The following C6orf163 variants were observed in gnomAD, a reference collection of about 807,000 sequenced individuals.
The protein encoded by C6orf163 is chromosome 6 open reading frame 163.
C6orf163 carries 22 observed loss-of-function variants against 28.4 expected under a neutral mutation model. That is an observed-to-expected ratio of 0.78 (90% CI 0.55 to 1.11). C6orf163 has a LOEUF of 1.11. Among genes scored for constraint, C6orf163 ranks in the 50% least tolerant of loss-of-function variants. The pLI is 0.00. For synonymous variants in C6orf163, 110 were observed against 123.6 expected, an observed-to-expected ratio of 0.89 and a Z score of 0.73; for missense variants, 342 against 389.1, an observed-to-expected ratio of 0.88 and a Z score of 1.02.
chr6:87,363,453 G>A (rs1582112357), intron 4 of C6orf163, among the ~76,000 whole-genome samples: 3 of 151,068 alleles, frequency 2.0e-5, no homozygotes, highest in Admixed American at 1.3e-4. Flanking sequence ...CCATTAACTC[G>A]TCATTTAGCA....
chr6:87,347,349 G>A (rs1464605378), intron 1 of C6orf163: 2 of 970,086 alleles, frequency 2.1e-6, no homozygotes, highest in African/African-American at 3.5e-5. Context: ...GGATCCTGTT[G>A]TACAATCAGG....
chr6:87,347,548 C>T (rs753116412), intron 1 of C6orf163: 36 of 985,280 alleles, frequency 3.7e-5, no homozygotes, highest in Middle Eastern at 5.2e-4. Context: ...CCATCTCCAC[C>T]GTAATATATG....
Position 87,365,013 on chromosome 6 carries a change from A to C in C6orf163, c.607A>C (p.Lys203Gln), listed in dbSNP as rs1056890584. 1 of 1,551,550 alleles carries C rather than the reference A, an allele frequency of 6.4e-7. No individual in the cohort carries two copies. The highest frequency in any genetic ancestry group is 8.7e-7 in the Non-Finnish European group (1 of 1,146,930). Residue 203 changes from lysine (K) to glutamine (Q), a missense_variant, in exon 5 of 5, where the codon AAG becomes CAG. By Grantham distance (53) the Lys-to-Gln change is moderately conservative. Transcript: ENST00000388923. ...NTGVTVIKDE[K>Q]TSVARLMREK... ...TGGTGTCACAGTTATTAAGGATGAG[A>C]AGACCAGTGTGGCCCGACTGATGAG...
chr6:87,354,733 G>C (rs1242411747), intron 3 of C6orf163, among the ~76,000 whole-genome samples: 1 of 152,174 alleles, frequency 6.6e-6, no homozygotes, highest in Non-Finnish European at 1.5e-5. Context: ...TTTCACCCTT[G>C]AAGTAGCCAA....
At chr6:87,353,519 C>T (rs1337007518) in intron 3 of C6orf163, among the ~76,000 whole-genome samples, 1 of 151,502 alleles carries the variant, frequency 6.6e-6, no homozygotes, top group Non-Finnish European at 1.5e-5. Flanking sequence ...ACCCTATTGA[C>T]ACTGGCTTTT....
At position 87,365,036 on chromosome 6, in the gene C6orf163, G is replaced by A. The variant is rs1777625968; in HGVS notation, c.630G>A (p.Met210Ile). The A allele has an allele frequency of 6.4e-7, 1 of 1,551,730 alleles. No homozygotes were observed. The highest frequency in any genetic ancestry group is 2.0e-5 in the Admixed American group (1 of 50,990). ...KDEKTSVARL[M>I]REKEHEMSIL... ...AGAAGACCAGTGTGGCCCGACTGAT[G>A]AGGGAAAAAGAACATGAAATGAGCA... Residue 210 changes from methionine (M) to isoleucine (I), a missense_variant, in exon 5 of 5, where the codon ATG becomes ATA. Physicochemically the swap from Met to Ile is conservative, Grantham distance 10 (BLOSUM62 1). Transcript: ENST00000388923.
At chr6:87,364,393 A>G (rs1169745395) in intron 4 of C6orf163, among the ~76,000 whole-genome samples, 4 of 152,206 alleles carry the variant, frequency 2.6e-5, no homozygotes, top group Non-Finnish European at 5.9e-5. Context: ...TTTAGTTTAT[A>G]TAACTGTTAA....
chr6:87,348,523 A>T, intron 1 of C6orf163: 1 of 1,143,938 alleles, frequency 8.7e-7, no homozygotes, highest in Non-Finnish European at 1.1e-6. Flanking sequence ...GGGTGTACAA[A>T]ATATGTCCCT....
intron 4 of C6orf163, among the ~76,000 whole-genome samples, chr6:87,361,242 C>T (rs1311775810): frequency 6.6e-6 from 1 of 152,002 alleles, no homozygotes; most frequent in Non-Finnish European, 1.5e-5. Context: ...CAAGATGGTG[C>T]TGCTGCACTC....
intron 4 of C6orf163, among the ~76,000 whole-genome samples, chr6:87,364,716 C>T (rs1195336609): frequency 3.3e-5 from 5 of 152,050 alleles, no homozygotes; most frequent in South Asian, 2.1e-4. Flanking sequence ...CTAAAGTTGC[C>T]GTTAGAAGTT....
intron 3 of C6orf163, among the ~76,000 whole-genome samples, chr6:87,351,415 C>T (rs545957232): frequency 2.0e-5 from 3 of 152,104 alleles, no homozygotes; most frequent in South Asian, 2.1e-4. Flanking sequence ...AGATCTGTAC[C>T]GGGTGAGATA....
At chr6:87,360,180 T>C (rs1777561061) in intron 4 of C6orf163, among the ~76,000 whole-genome samples, 1 of 152,170 alleles carries the variant, frequency 6.6e-6, no homozygotes, top group South Asian at 2.1e-4. Flanking sequence ...ATGTCCAAGA[T>C]TTAATTTGAA....
At chr6:87,362,121 A>G (rs1187171888) in intron 4 of C6orf163, among the ~76,000 whole-genome samples, 1 of 152,218 alleles carries the variant, frequency 6.6e-6, no homozygotes, top group Non-Finnish European at 1.5e-5. Context: ...GACATTGAAC[A>G]ACAACTCACT....
At chr6:87,356,073 A>G (rs1777497365) in intron 3 of C6orf163, 1 of 485,940 alleles carries the variant, frequency 2.1e-6, no homozygotes, top group East Asian at 3.2e-5. Context: ...ATTCCCTTTC[A>G]ATATTATCTA....
At chr6:87,348,359 C>T in intron 1 of C6orf163, 1 of 987,046 alleles carries the variant, frequency 1.0e-6, no homozygotes, top group Non-Finnish European at 1.2e-6. Flanking sequence ...CAGTTAAACC[C>T]ACAAAGAACC....
chr6:87,345,916 CAAAA>C (rs3044136), intron 1 of C6orf163, among the ~76,000 whole-genome samples: 11 of 44,648 alleles, frequency 2.5e-4, no homozygotes, highest in South Asian at 1.9e-3. Context: ...GACTCTGCCT[CAAAA>C]AAAAAAAAAA....
chr6:87,363,325 CTTTTTT>C, intron 4 of C6orf163, among the ~76,000 whole-genome samples: 1 of 149,134 alleles, frequency 6.7e-6, no homozygotes, highest in Non-Finnish European at 1.5e-5. Context: ...AAACTATTTT[CTTTTTT>C]TTTTTCCAAA....
At chr6:87,364,917 G>A in intron 4 of C6orf163, 44 bp from the exon 5 acceptor site, 1 of 1,408,792 alleles carries the variant, frequency 7.1e-7, no homozygotes. Flanking sequence ...TTTGTTTTTA[G>A]TGGCCAATCC....
At chr6:87,361,299 GAAGA>G (rs975394674) in intron 4 of C6orf163, among the ~76,000 whole-genome samples, 2 of 151,814 alleles carry the variant, frequency 1.3e-5, no homozygotes, top group African/African-American at 4.8e-5. Context: ...AAAAAAAAAA[GAAGA>G]AAGAAAAGTT....
Sources: gnomAD v4.1 joint callset for allele counts (sites outside exome capture counted in the v4.1 genomes callset) on GRCh38, gnomAD v4.1.1 for gene constraint, MANE v1.5 for transcripts, NCBI Gene and HGNC (gene_info 2026-07-23, HGNC 2026-07-21) for gene names.